RAB9B: variants seen among roughly 807,000 people sequenced by gnomAD.
The protein encoded by RAB9B is ras-related protein Rab-9B.
A neutral mutation model predicts 8.9 loss-of-function variants in RAB9B; 1 was observed. The ratio of observed to expected loss-of-function variants is 0.11; its 90% CI spans 0.04 to 0.53. RAB9B has a LOEUF of 0.53. Among genes scored for constraint, RAB9B ranks in the 20% least tolerant of loss-of-function variants. RAB9B has a pLI of 0.93. For missense variants in RAB9B, 82 were observed against 152.9 expected, an observed-to-expected ratio of 0.54 and a Z score of 2.45; for synonymous variants, 63 against 57.0, an observed-to-expected ratio of 1.10 and a Z score of -0.47.
In RAB9B at chrX:103,823,273, G is replaced by C. The variant is rs1295853414; in HGVS notation, c.*1906C>G. On this transcript the variant is annotated 3_prime_UTR_variant, in exon 3 of 3. Transcript: ENST00000243298. Reference sequence around the variant, plus strand: ...GCTGGCTATAGGCATAGGCAGGATAGGGACCAGTACTTAAGAGCTGTGGGG... The same window carrying C: ...GCTGGCTATAGGCATAGGCAGGATACGGACCAGTACTTAAGAGCTGTGGGG... The C allele has an allele frequency of 1.8e-5, 2 of 112,098 alleles. No individual in the cohort carries two copies. The highest frequency in any genetic ancestry group is 3.7e-4 in the South Asian group (1 of 2,686). The allele number at this position is 112,098 out of a possible 1,213,427, so 9.2% of individuals were successfully genotyped here.
chrX:103,789,819 T>C, the RAB9B span, among the ~76,000 whole-genome samples: 2 of 111,632 alleles, frequency 1.8e-5, no homozygotes, highest in Admixed American at 1.9e-4. Flanking sequence ...CCACTTTGGA[T>C]ACTCTCCAGT....
chrX:103,829,433 C>G (rs1027933307), intron 1 of RAB9B, among the ~76,000 whole-genome samples: 3 of 112,396 alleles, frequency 2.7e-5, no homozygotes, highest in African/African-American at 9.7e-5. Context: ...AAAATGAATA[C>G]AGTTTAGATT....
At chrX:103,805,153 C>T in the RAB9B span, among the ~76,000 whole-genome samples, 1 of 111,800 alleles carries the variant, frequency 8.9e-6, no homozygotes, top group Non-Finnish European at 1.9e-5. Flanking sequence ...CATAAGTGCC[C>T]TTTATGAGGT....
rs2074674536 is a variant in RAB9B at position 103,824,266 on chromosome X, C to G, written c.*913G>C. 8.9e-6 allele frequency: 1 copy of G among 112,022 alleles called. No homozygotes were observed. The highest frequency in any genetic ancestry group is 9.5e-5 in the Admixed American group (1 of 10,540). The allele number at this position is 112,022 out of a possible 1,213,427, so 9.2% of individuals were successfully genotyped here. A position where few individuals can be genotyped will look rare whatever the true frequency, so the allele number is the denominator to read the frequency against. ...GCCTTGTGAGAAAAGTTCATTATCC[C>G]CCAATCTTTTATGAAGCCTTCTCCA... On this transcript the variant is annotated 3_prime_UTR_variant, in exon 3 of 3. Coordinates refer to ENST00000243298, the MANE Select transcript of RAB9B (RefSeq NM_016370.4).
chrX:103,812,153 C>A, the RAB9B span, among the ~76,000 whole-genome samples: 114 of 110,080 alleles, frequency 1.0e-3, 1 homozygote, highest in African/African-American at 3.7e-3. Context: ...GCCACCATAC[C>A]CTCTTTCTCT....
chrX:103,800,218 A>C, the RAB9B span, among the ~76,000 whole-genome samples: 1 of 108,580 alleles, frequency 9.2e-6, no homozygotes, highest in Non-Finnish European at 1.9e-5. Flanking sequence ...TACAGGGGAC[A>C]TATTTCTCTA....
the RAB9B span, among the ~76,000 whole-genome samples, chrX:103,809,869 A>G: frequency 9.2e-6 from 1 of 108,367 alleles, no homozygotes; most frequent in Admixed American, 9.9e-5. Flanking sequence ...GGATCAAATG[A>G]TCCTCCCACC....
chrX:103,793,344 A>G, the RAB9B span, among the ~76,000 whole-genome samples: 2 of 112,189 alleles, frequency 1.8e-5, no homozygotes, highest in Non-Finnish European at 1.9e-5. Context: ...TCATTGCCCC[A>G]TAGTTGCAGC....
chrX:103,814,251 T>C, the RAB9B span, among the ~76,000 whole-genome samples: 3 of 111,975 alleles, frequency 2.7e-5, no homozygotes, highest in African/African-American at 9.7e-5. Flanking sequence ...CAGACCACAG[T>C]GCAATCAAAT....
chrX:103,807,260 T>C, the RAB9B span, among the ~76,000 whole-genome samples: 2 of 112,052 alleles, frequency 1.8e-5, no homozygotes, highest in African/African-American at 3.2e-5. Context: ...TTTCCTCTTA[T>C]TATAACTGAA....
At chrX:103,778,615 G>A in the RAB9B span, among the ~76,000 whole-genome samples, 1 of 111,731 alleles carries the variant, frequency 9.0e-6, no homozygotes, top group Non-Finnish European at 1.9e-5. Context: ...CTGTTATGGA[G>A]GCTGGGTGGT....
At chrX:103,806,177 G>A in the RAB9B span, among the ~76,000 whole-genome samples, 1 of 110,762 alleles carries the variant, frequency 9.0e-6, no homozygotes, top group African/African-American at 3.3e-5. Flanking sequence ...GTTTTAAGAT[G>A]AAAAGTTGGT....
the RAB9B span, among the ~76,000 whole-genome samples, chrX:103,784,344 G>A: frequency 8.9e-6 from 1 of 111,802 alleles, no homozygotes; most frequent in African/African-American, 3.3e-5. Flanking sequence ...TCTGTTTGTA[G>A]CTGTTTTGAC....
chrX:103,813,745 C>CAAAAAA, the RAB9B span, among the ~76,000 whole-genome samples: 41 of 8,540 alleles, frequency 4.8e-3, 15 homozygotes, highest in Non-Finnish European at 6.3e-3. Context: ...AAATGGAAAG[C>CAAAAAA]AAAAAAAAAA....
At chrX:103,797,712 T>C in the RAB9B span, among the ~76,000 whole-genome samples, 1 of 111,230 alleles carries the variant, frequency 9.0e-6, no homozygotes, top group Non-Finnish European at 1.9e-5. Context: ...TGACCTATAG[T>C]TGGCAGATGG....
the RAB9B span, chrX:103,789,463 T>C: frequency 1.2e-6 from 1 of 854,060 alleles, no homozygotes; most frequent in African/African-American, 2.0e-5. Flanking sequence ...ACAGCTATTC[T>C]GAAAGGCAAG....
the RAB9B span, chrX:103,787,708 TG>T: frequency 2.2e-5 from 17 of 784,816 alleles, no homozygotes; most frequent in Non-Finnish European, 3.1e-5. Flanking sequence ...TTTTAATGTC[TG>T]GCACACGCCA....
chrX:103,796,279 A>G, the RAB9B span, among the ~76,000 whole-genome samples: 2 of 111,711 alleles, frequency 1.8e-5, no homozygotes, highest in Non-Finnish European at 3.8e-5. Context: ...TCAGGAGTTC[A>G]AGACCAGTCT....
downstream of RAB9B, among the ~76,000 whole-genome samples, chrX:103,819,578 T>A (rs1569433966): frequency 1.8e-5 from 2 of 109,257 alleles, no homozygotes; most frequent in African/African-American, 6.6e-5. Flanking sequence ...CTTGCCCCCT[T>A]AAAAAAAAAC....
Sources: gnomAD v4.1 joint callset for allele counts (sites outside exome capture counted in the v4.1 genomes callset) on GRCh38, gnomAD v4.1.1 for gene constraint, MANE v1.5 for transcripts, NCBI Gene and HGNC (gene_info 2026-07-23, HGNC 2026-07-21) for gene names.